The following WDR7 variants were observed in gnomAD, a reference collection of about 807,000 sequenced individuals.
WDR7 encodes the protein WD repeat-containing protein 7.
In WDR7, 46 loss-of-function variants were observed where a neutral mutation model predicts 169.4. The ratio of observed to expected loss-of-function variants is 0.27; its 90% CI spans 0.21 to 0.35. The LOEUF is 0.35. Among genes scored for constraint, WDR7 ranks in the 10% least tolerant of loss-of-function variants. The probability of loss-of-function intolerance (pLI) is 1.00; values close to 1 mark genes in which losing one functional copy is unlikely to be tolerated. For missense variants in WDR7, 1,534 were observed against 1,859.3 expected (o/e 0.83, Z 3.22); for synonymous variants, 612 against 666.8 (o/e 0.92, Z 1.27).
chr18:57,007,774 G>C (rs930554483), intron 26 of WDR7, among the ~76,000 whole-genome samples: 3 of 151,990 alleles, frequency 2.0e-5, no homozygotes, highest in Non-Finnish European at 4.4e-5. Flanking sequence ...TTTCTTTTCT[G>C]CCCACCCCTT....
chr18:56,927,916 A>G (rs2145659778), intron 22 of WDR7, among the ~76,000 whole-genome samples: 1 of 152,294 alleles, frequency 6.6e-6, no homozygotes, highest in African/African-American at 2.4e-5. Flanking sequence ...GAAGGAAGGT[A>G]AAAAGTATAG....
chr18:56,655,637 A>AAAG (rs3062373), intron 1 of WDR7, among the ~76,000 whole-genome samples: 3 of 139,594 alleles, frequency 2.1e-5, no homozygotes, highest in Non-Finnish European at 4.8e-5. Flanking sequence ...AAAAAAAAAA[A>AAAG]GAGGAAGAAG....
chr18:56,742,142 C>T (rs2043629673), intron 14 of WDR7, among the ~76,000 whole-genome samples: 1 of 152,118 alleles, frequency 6.6e-6, no homozygotes, highest in Non-Finnish European at 1.5e-5. Flanking sequence ...AACAAAAATA[C>T]ACTATATTAA....
At chr18:56,867,204 C>A (rs1165553818) in intron 20 of WDR7, among the ~76,000 whole-genome samples, 5 of 151,604 alleles carry the variant, frequency 3.3e-5, no homozygotes, top group Admixed American at 1.3e-4. Context: ...TTTTTTATTT[C>A]TTTTGTATTT....
chr18:56,961,390 A>G (rs559235906), intron 25 of WDR7, among the ~76,000 whole-genome samples: 1 of 152,144 alleles, frequency 6.6e-6, no homozygotes, highest in Non-Finnish European at 1.5e-5. Context: ...TTAGTTTGGT[A>G]TTATGGAACC....
chr18:56,868,963 C>A (rs2045918854), intron 20 of WDR7, among the ~76,000 whole-genome samples: 1 of 151,110 alleles, frequency 6.6e-6, no homozygotes, highest in South Asian at 2.1e-4. Context: ...ATAGTAAAGG[C>A]AAAGAAAAAA....
chr18:56,781,409 T>G, intron 18 of WDR7, 124 bp from the exon 19 acceptor site: 1 of 1,080,192 alleles, frequency 9.3e-7, no homozygotes, highest in East Asian at 3.1e-5. Context: ...ATAGTGTTTT[T>G]CATGTAAATA....
At chr18:56,790,797 C>A (rs929022270) in intron 19 of WDR7, among the ~76,000 whole-genome samples, 1 of 152,002 alleles carries the variant, frequency 6.6e-6, no homozygotes, top group Non-Finnish European at 1.5e-5. Context: ...ATGGTTTCAT[C>A]GTGCATGACA....
At chr18:56,975,144 G>A (rs537517514) in intron 26 of WDR7, among the ~76,000 whole-genome samples, 16 of 152,182 alleles carry the variant, frequency 1.1e-4, no homozygotes, top group African/African-American at 3.6e-4. Flanking sequence ...GCAGAGGCAG[G>A]AGAATCGCTT....
At chr18:56,840,966 G>T (rs897780013) in intron 20 of WDR7, among the ~76,000 whole-genome samples, 2 of 152,012 alleles carry the variant, frequency 1.3e-5, no homozygotes, top group African/African-American at 2.4e-5. Flanking sequence ...AAGACAGGGG[G>T]GATCACATGA....
intron 16 of WDR7, among the ~76,000 whole-genome samples, chr18:56,772,779 G>T (rs2145030393): frequency 6.6e-6 from 1 of 151,762 alleles, no homozygotes; most frequent in Admixed American, 6.6e-5. Context: ...AAAGGAGATT[G>T]GTTAGGAGAT....
chr18:56,767,290 A>G (rs983869994), intron 16 of WDR7, among the ~76,000 whole-genome samples: 2 of 152,120 alleles, frequency 1.3e-5, no homozygotes, highest in African/African-American at 4.8e-5. Context: ...TGTATACTTG[A>G]GGGAGATCCT....
At chr18:56,731,737 C>A in intron 14 of WDR7, 140 bp downstream of exon 14, 1 of 764,632 alleles carries the variant, frequency 1.3e-6, no homozygotes, top group Non-Finnish European at 2.0e-6. Context: ...TTAGGTTTAT[C>A]CAACATGGTT....
intron 20 of WDR7, among the ~76,000 whole-genome samples, chr18:56,868,899 T>G (rs1431232085): frequency 6.6e-6 from 1 of 152,132 alleles, no homozygotes; most frequent in Non-Finnish European, 1.5e-5. Context: ...CTGCCTTAGA[T>G]ACTTGGGATT....
In WDR7 at chr18:56,985,022, C is replaced by T. The variant is rs150532544; in HGVS notation, c.4164+22493C>T. 9.7e-4 allele frequency among the ~76,000 whole-genome samples: 147 copies of T among 152,234 alleles called. 1 individual carries two copies. Among genetic ancestry groups the T allele is most frequent in the African/African-American group, 3.4e-3 (142 of 41,542 alleles). On this transcript the variant is annotated intron_variant, in intron 26 of 27. Transcript: ENST00000254442. ...GCCTGTGGCTCTTGATTTTTCACAC[C>T]ATCTCCATGACACTCATAATAAAAC...
chr18:57,018,052 A>T (rs1458821675), intron 26 of WDR7, among the ~76,000 whole-genome samples: 5 of 152,354 alleles, frequency 3.3e-5, no homozygotes, highest in African/African-American at 9.6e-5. Flanking sequence ...GAATGTGTCC[A>T]CTGGGTTGTA....
intron 21 of WDR7, among the ~76,000 whole-genome samples, chr18:56,909,044 C>A (rs2046518464): frequency 1.3e-5 from 2 of 152,178 alleles, no homozygotes; most frequent in African/African-American, 4.8e-5. Context: ...TATCAAGAGT[C>A]TACCCTGTGT....
chr18:56,939,380 C>T lies in WDR7; in HGVS notation c.4051C>T (p.Pro1351Ser). Residue 1351 changes from proline to serine, a missense_variant, in exon 25 of 28, where the codon CCA (proline) becomes TCA (serine). Pro to Ser is a moderately conservative substitution (Grantham distance 74). Coordinates refer to ENST00000254442, the MANE Select transcript of WDR7 (RefSeq NM_015285.3). ...AAAGAAAGGTCTTCAAGAATGTTTC[C>T]CAGCCATCTGCAGGTAAAGAAGCCT... is the stretch of plus-strand genomic sequence containing the variant. Reference protein sequence around the residue: ...VKKKGLQECFPAICRFYMVSY... With the variant: ...VKKKGLQECFSAICRFYMVSY... The T allele has an allele frequency of 6.4e-7, 1 of 1,572,400 alleles. No individual in the cohort carries two copies. Among genetic ancestry groups the T allele is most frequent in the Non-Finnish European group, 8.6e-7 (1 of 1,157,454 alleles).
At chr18:56,663,597 ACACATATATGCACAGCATATATACAC>A (rs869074582) in intron 1 of WDR7, among the ~76,000 whole-genome samples, 3 of 146,712 alleles carry the variant, frequency 2.0e-5, no homozygotes, top group African/African-American at 8.0e-5. Context: ...TTTTAAAAAC[ACACATATATGCACAGCATATATACAC>A]CACATATATG....
Sources: allele counts gnomAD v4.1 joint callset (sites outside exome capture counted in the v4.1 genomes callset), GRCh38; gene constraint gnomAD v4.1.1; transcripts MANE v1.5; gene names NCBI Gene and HGNC (gene_info 2026-07-23, HGNC 2026-07-21).